MOGAT1: variants seen among roughly 807,000 people sequenced by gnomAD.
MOGAT1 encodes 2-acylglycerol O-acyltransferase 1.
A neutral mutation model predicts 31.4 loss-of-function variants in MOGAT1; 32 were observed. The observed-to-expected ratio is 1.02, with a 90% confidence interval of 0.77 to 1.37. The LOEUF (loss-of-function observed/expected upper bound fraction) is 1.37, where lower values mean the gene tolerates loss of function less well. MOGAT1 is among the 40% of genes most tolerant of loss of function. The pLI is 0.00. For synonymous variants in MOGAT1, 145 were observed against 144.5 expected, an observed-to-expected ratio of 1.00 and a Z score of -0.03; for missense variants, 426 against 402.0, an observed-to-expected ratio of 1.06 and a Z score of -0.51.
At chr2:222,695,756 A>G (rs1692828375) in intron 5 of MOGAT1, among the ~76,000 whole-genome samples, 1 of 151,996 alleles carries the variant, frequency 6.6e-6, no homozygotes, top group Non-Finnish European at 1.5e-5. Flanking sequence ...CTATTCTGCT[A>G]TAGACTTATT....
chr2:222,691,501 G>T (rs530847230), intron 3 of MOGAT1, among the ~76,000 whole-genome samples: 2 of 152,224 alleles, frequency 1.3e-5, no homozygotes, highest in South Asian at 4.1e-4. Context: ...GCACCACTGC[G>T]CCCAGCAATC....
At chr2:222,682,969 C>T (rs375550619) in intron 1 of MOGAT1, among the ~76,000 whole-genome samples, 2 of 151,970 alleles carry the variant, frequency 1.3e-5, no homozygotes, top group Non-Finnish European at 2.9e-5. Context: ...TTTGGAAGAC[C>T]GAGGCAGGTG....
At chr2:222,682,021 T>A (rs946344430) in intron 1 of MOGAT1, among the ~76,000 whole-genome samples, 2 of 152,216 alleles carry the variant, frequency 1.3e-5, no homozygotes, top group Non-Finnish European at 2.9e-5. Flanking sequence ...TAACTGCTCT[T>A]ACCATAATAA....
chr2:222,695,709 C>CT (rs1013246665), intron 5 of MOGAT1, among the ~76,000 whole-genome samples: 34 of 150,710 alleles, frequency 2.3e-4, no homozygotes, highest in East Asian at 1.9e-3. Flanking sequence ...ATAGCAAAAG[C>CT]TTTTTTTTTG....
At chr2:222,705,166 A>C (rs1016475382) in intron 5 of MOGAT1, among the ~76,000 whole-genome samples, 2 of 152,140 alleles carry the variant, frequency 1.3e-5, no homozygotes, top group Non-Finnish European at 2.9e-5. Flanking sequence ...CATGGAACTA[A>C]TGGGAGTGTA....
chr2:222,688,169 G>A lies in MOGAT1; in HGVS notation c.95-175G>A, dbSNP rs182128170. Among the ~76,000 whole-genome samples the A allele has an allele frequency of 3.9e-5, 6 of 152,222 alleles. No homozygotes were observed. The East Asian group carries it at 1.2e-3, about 29-fold the overall frequency. On this transcript the variant is annotated intron_variant, in intron 1 of 5. Coordinates refer to ENST00000446656, the MANE Select transcript of MOGAT1 (RefSeq NM_058165.3). ...TCCATAACACGATGCTTGGCATATA[G>A]TAAACACCCAATAAATGTTAAATAA... is the stretch of plus-strand genomic sequence containing the variant.
intron 1 of MOGAT1, among the ~76,000 whole-genome samples, chr2:222,687,169 T>A (rs4674682): frequency 0.43 from 58,827 of 135,964 alleles, 15,185 homozygotes; most frequent in African/African-American, 0.73. Context: ...AAAAAATATA[T>A]ATAAATGTTG....
At chr2:222,700,727 A>C (rs1001700133) in intron 5 of MOGAT1, among the ~76,000 whole-genome samples, 2 of 152,208 alleles carry the variant, frequency 1.3e-5, no homozygotes, top group Non-Finnish European at 2.9e-5. Context: ...CAATTCCATA[A>C]AAAAAGTAAA....
At chr2:222,682,366 C>T (rs116446689) in intron 1 of MOGAT1, among the ~76,000 whole-genome samples, 3 of 152,162 alleles carry the variant, frequency 2.0e-5, no homozygotes, top group African/African-American at 7.2e-5. Context: ...TTCAACTTTT[C>T]CTTTATAAGT....
At chr2:222,708,968 C>T (rs1574980045) in intron 5 of MOGAT1, among the ~76,000 whole-genome samples, 1 of 152,136 alleles carries the variant, frequency 6.6e-6, no homozygotes, top group South Asian at 2.1e-4. Context: ...ATGGAATCCA[C>T]GTCATTTATG....
intron 3 of MOGAT1, among the ~76,000 whole-genome samples, chr2:222,693,942 T>G (rs1383803709): frequency 6.6e-6 from 1 of 152,206 alleles, no homozygotes; most frequent in East Asian, 1.9e-4. Context: ...TTGGAGAATA[T>G]ACTTTTTGGT....
At chr2:222,695,576 G>A (rs1692826237) in intron 5 of MOGAT1, among the ~76,000 whole-genome samples, 1 of 152,114 alleles carries the variant, frequency 6.6e-6, no homozygotes, top group Non-Finnish European at 1.5e-5. Context: ...CTATTTCTCT[G>A]TGCCAGCCAA....
At chr2:222,674,172 G>A (rs1197311471) in intron 1 of MOGAT1, among the ~76,000 whole-genome samples, 17 of 152,220 alleles carry the variant, frequency 1.1e-4, no homozygotes, top group Non-Finnish European at 2.1e-4. Context: ...CATGGCAGAT[G>A]CTCAATGACC....
chr2:222,679,797 G>C (rs1481082216), intron 1 of MOGAT1, among the ~76,000 whole-genome samples: 2 of 152,222 alleles, frequency 1.3e-5, no homozygotes, highest in African/African-American at 4.8e-5. Context: ...TGTGCCACAT[G>C]ATCAAACTTG....
chr2:222,673,331 C>CAAAA lies in MOGAT1; in HGVS notation c.94+1464_94+1467dup, dbSNP rs57706625. On this transcript the variant is annotated intron_variant, in intron 1 of 5. Coordinates refer to ENST00000446656, the MANE Select transcript of MOGAT1 (RefSeq NM_058165.3). ...TCCTGTGCTGCTAGGTAGAATTTAC[C>CAAAA]AAAAAAAAAAAAAAATGTAATTCAA... Among the ~76,000 whole-genome samples the CAAAA allele has an allele frequency of 3.4e-4, 35 of 102,232 alleles. 1 individual carries two copies. The highest frequency in any genetic ancestry group is 6.2e-4 in the African/African-American group (14 of 22,528). The allele number at this position is 102,232 out of a possible 152,430, so 67.1% of individuals were successfully genotyped here.
chr2:222,671,955 G>A (rs1172366471), intron 1 of MOGAT1, 76 bp downstream of exon 1: 2 of 1,194,194 alleles, frequency 1.7e-6, no homozygotes, highest in East Asian at 2.6e-5. Context: ...TCCAGGACCT[G>A]CATAGAACCT....
rs759680887 is a variant in MOGAT1 at position 222,694,367 on chromosome 2, G to T, written c.484G>T (p.Val162Phe). ...FREYVMSVGL[V>F]SVSKKSVSYM... ...TTTTTGTTTTATTCACTAAGGGCTG[G>T]TTTCAGTTTCCAAGAAAAGTGTGTC... Residue 162 changes from valine to phenylalanine, a missense_variant, in exon 4 of 6, where the codon GTT becomes TTT. Transcript: ENST00000446656. 1.2e-6 allele frequency: 2 copies of T among 1,606,950 alleles called. No homozygotes were observed. Among genetic ancestry groups the T allele is most frequent in the Non-Finnish European group, 1.7e-6 (2 of 1,176,894 alleles).
intron 1 of MOGAT1, among the ~76,000 whole-genome samples, chr2:222,683,801 C>T (rs1372676890): frequency 2.0e-5 from 3 of 152,110 alleles, no homozygotes; most frequent in Admixed American, 1.3e-4. Flanking sequence ...TAAGTGAAAA[C>T]AGAGTGCCAT....
Position 222,693,076 on chromosome 2 carries a change from T to C in MOGAT1, c.479-1286T>C, listed in dbSNP as rs140937579. ...AGAAACCCAGAGTAAAATTAGCATA[T>C]CATTTTCTTCAAGTGATGAGATATG... On this transcript the variant is annotated intron_variant, in intron 3 of 5. Transcript: ENST00000446656. 6.8e-3 allele frequency among the ~76,000 whole-genome samples: 1,039 copies of C among 152,336 alleles called. 11 individuals carry two copies. The highest frequency in any genetic ancestry group is 0.023 in the African/African-American group (975 of 41,568).
Sources: gnomAD v4.1 joint callset for allele counts (sites outside exome capture counted in the v4.1 genomes callset) on GRCh38, gnomAD v4.1.1 for gene constraint, MANE v1.5 for transcripts, NCBI Gene and HGNC (gene_info 2026-07-23, HGNC 2026-07-21) for gene names.